The following DGKB variants were observed in gnomAD, a reference collection of about 807,000 sequenced individuals.
The protein encoded by DGKB is diacylglycerol kinase beta.
DGKB carries 67 observed loss-of-function variants against 114.3 expected under a neutral mutation model. That is an observed-to-expected ratio of 0.59 (90% CI 0.48 to 0.72). The LOEUF is 0.72. DGKB is among the 30% of genes least tolerant of loss of function. The pLI is 0.00. For synonymous variants in DGKB, 398 were observed against 323.1 expected (o/e 1.23, Z -2.49); for missense variants, 907 against 975.2 (o/e 0.93, Z 0.93).
At chr7:14,686,146 T>A (rs1000809901) in intron 9 of DGKB, among the ~76,000 whole-genome samples, 20 of 152,120 alleles carry the variant, frequency 1.3e-4, no homozygotes, top group Non-Finnish European at 2.6e-4. Context: ...CAACCTTGGG[T>A]TTAAATTAAT....
chr7:14,963,792 G>A (rs1235380198), intron 1 of DGKB, among the ~76,000 whole-genome samples: 3 of 152,086 alleles, frequency 2.0e-5, no homozygotes, highest in Non-Finnish European at 4.4e-5. Context: ...GGTCTTCCTT[G>A]TAGTAGGTGG....
At chr7:14,461,042 T>C (rs1393250356) in intron 21 of DGKB, among the ~76,000 whole-genome samples, 2 of 152,140 alleles carry the variant, frequency 1.3e-5, no homozygotes, top group Non-Finnish European at 2.9e-5. Flanking sequence ...AATAATTTCT[T>C]TGAAATCAAT....
chr7:14,647,916 A>G (rs4342477), intron 13 of DGKB, among the ~76,000 whole-genome samples: 1 of 152,046 alleles, frequency 6.6e-6, no homozygotes, highest in African/African-American at 2.4e-5. Flanking sequence ...CACTCCCACC[A>G]GAATACTGTG....
At chr7:14,309,453 C>A (rs1805012993) in intron 23 of DGKB, among the ~76,000 whole-genome samples, 1 of 152,160 alleles carries the variant, frequency 6.6e-6, no homozygotes, top group East Asian at 1.9e-4. Context: ...CAGCAGAGGA[C>A]CAGGCTCAGA....
intron 4 of DGKB, among the ~76,000 whole-genome samples, chr7:14,745,259 C>T (rs1833107349): frequency 6.6e-6 from 1 of 152,194 alleles, no homozygotes; most frequent in African/African-American, 2.4e-5. Context: ...CAACCAGAGT[C>T]TCAAACAATG....
chr7:14,513,507 T>C (rs1563368417), intron 20 of DGKB, among the ~76,000 whole-genome samples: 1 of 152,022 alleles, frequency 6.6e-6, no homozygotes, highest in Non-Finnish European at 1.5e-5. Context: ...ACAGTCTCAT[T>C]CTGGGAGCAA....
intron 20 of DGKB, among the ~76,000 whole-genome samples, chr7:14,485,941 G>A (rs1783741375): frequency 6.6e-6 from 1 of 151,476 alleles, no homozygotes; most frequent in South Asian, 2.1e-4. Context: ...GGCTGCACCC[G>A]TGAGCAGGTT....
intron 23 of DGKB, among the ~76,000 whole-genome samples, chr7:14,319,349 C>G (rs1807287767): frequency 6.6e-6 from 1 of 151,990 alleles, no homozygotes; most frequent in South Asian, 2.1e-4. Flanking sequence ...CAGCTGTCTT[C>G]TATTAGACCA....
chr7:14,489,980 C>T (rs749155897), intron 20 of DGKB, among the ~76,000 whole-genome samples: 2 of 152,102 alleles, frequency 1.3e-5, no homozygotes, highest in Non-Finnish European at 2.9e-5. Context: ...ATATAACTTT[C>T]ACGGCAAAAG....
chr7:14,768,272 G>C (rs527695968), intron 2 of DGKB, among the ~76,000 whole-genome samples: 2 of 152,016 alleles, frequency 1.3e-5, no homozygotes, highest in African/African-American at 4.8e-5. Flanking sequence ...TGAGAAGGAG[G>C]CTATAACTAA....
chr7:14,893,183 A>G (rs964296017), intron 1 of DGKB, among the ~76,000 whole-genome samples: 4 of 151,200 alleles, frequency 2.6e-5, no homozygotes, highest in African/African-American at 9.7e-5. Flanking sequence ...TACTCACTCA[A>G]CAAGTTTTTG....
chr7:14,809,603 C>T (rs908203544), intron 2 of DGKB, among the ~76,000 whole-genome samples: 1 of 151,890 alleles, frequency 6.6e-6, no homozygotes, highest in African/African-American at 2.4e-5. Context: ...ACGCATAACA[C>T]TGGGACAATA....
At chr7:14,635,806 A>G (rs963214820) in intron 13 of DGKB, among the ~76,000 whole-genome samples, 2 of 151,690 alleles carry the variant, frequency 1.3e-5, no homozygotes, top group African/African-American at 2.4e-5. Context: ...TACAAATTTT[A>G]TGTTCATAAA....
At chr7:14,178,218 G>A in intron 23 of DGKB, 67 bp from the exon 24 acceptor site, 1 of 1,505,594 alleles carries the variant, frequency 6.6e-7, no homozygotes, top group Non-Finnish European at 9.0e-7. Context: ...AATGCCATTT[G>A]ATATTATGGA....
rs10547553 is a variant in DGKB at position 14,241,937 on chromosome 7, GAT to G, written c.2123-63788_2123-63787del. On this transcript the variant is annotated intron_variant, in intron 23 of 25. Transcript: ENST00000402815. ...AGATATATACACACACACACATATA[GAT>G]ATATACACACACACATATACACACA... 1.9e-3 allele frequency among the ~76,000 whole-genome samples: 266 copies of G among 139,282 alleles called. 2 individuals carry two copies. Among genetic ancestry groups the G allele is most frequent in the East Asian group, 9.0e-3 (44 of 4,898 alleles). 91.4% of individuals were successfully genotyped at this position (139,282 alleles called of 152,430 possible). A position where few individuals can be genotyped will look rare whatever the true frequency, so the allele number is the denominator to read the frequency against.
chr7:14,151,595 A>G (rs1446525645), intron 25 of DGKB, among the ~76,000 whole-genome samples: 1 of 152,092 alleles, frequency 6.6e-6, no homozygotes, highest in Non-Finnish European at 1.5e-5. Context: ...TGCAGTCACT[A>G]ATCAGAATAA....
chr7:14,771,043 T>G (rs1837329567), intron 2 of DGKB, among the ~76,000 whole-genome samples: 1 of 152,042 alleles, frequency 6.6e-6, no homozygotes. Flanking sequence ...CTAACAAGTT[T>G]TATTGGGGTC....
At chr7:14,793,815 G>T (rs1841028065) in intron 2 of DGKB, among the ~76,000 whole-genome samples, 1 of 152,002 alleles carries the variant, frequency 6.6e-6, no homozygotes. Context: ...GGGAGTTTTG[G>T]TATGAGATTA....
chr7:14,634,175 T>C (rs1810285353), intron 13 of DGKB, among the ~76,000 whole-genome samples: 1 of 151,132 alleles, frequency 6.6e-6, no homozygotes, highest in African/African-American at 2.4e-5. Context: ...CATTTATATA[T>C]TTTTCATGTT....
Sources: allele counts gnomAD v4.1 joint callset (sites outside exome capture counted in the v4.1 genomes callset), GRCh38; gene constraint gnomAD v4.1.1; transcripts MANE v1.5; gene names NCBI Gene and HGNC (gene_info 2026-07-23, HGNC 2026-07-21).